The following RPS3 variants were observed in gnomAD, a reference collection of about 807,000 sequenced individuals.
RPS3 encodes ribosomal protein S3.
In RPS3, 2 loss-of-function variants were observed where a neutral mutation model predicts 25.8. The ratio of observed to expected loss-of-function variants is 0.08; its 90% CI spans 0.03 to 0.24. RPS3 has a LOEUF of 0.24. RPS3 is among the 10% of genes least tolerant of loss of function. RPS3 has a pLI of 1.00. For synonymous variants in RPS3, 114 were observed against 114.2 expected, an observed-to-expected ratio of 1.00 and a Z score of 0.01; for missense variants, 107 against 307.1, an observed-to-expected ratio of 0.35 and a Z score of 4.87.
intron 2 of RPS3, among the ~76,000 whole-genome samples, chr11:75,401,112 G>C (rs1030943731): frequency 6.6e-6 from 1 of 152,158 alleles, no homozygotes; most frequent in African/African-American, 2.4e-5. Flanking sequence ...TGGATCTCCT[G>C]ACCTCGTGAT....
rs1476610212 is a variant in RPS3, at chr11:75,406,455, C to G, written c.*845C>G. The G allele has an allele frequency of 6.6e-6, 1 of 152,222 alleles. No homozygotes were observed. 9.4% of individuals were successfully genotyped at this position (152,222 alleles called of 1,614,324 possible). On this transcript the variant is annotated 3_prime_UTR_variant, in exon 7 of 7. Coordinates refer to ENST00000531188, the MANE Select transcript of RPS3 (RefSeq NM_001005.5). ...GCTGCTTCCTGGTGATGCAGCCTGG[C>G]TGATGAGATAACCCTGGCTCCACAG...
At chr11:75,417,010 T>C (rs1051166234) in intron 6 of RPS3, among the ~76,000 whole-genome samples, 5 of 152,236 alleles carry the variant, frequency 3.3e-5, no homozygotes, top group African/African-American at 1.2e-4. Flanking sequence ...ATTTATAGCG[T>C]AAGCATGACC....
chr11:75,416,084 G>A (rs973620565), intron 6 of RPS3, among the ~76,000 whole-genome samples: 2 of 151,924 alleles, frequency 1.3e-5, no homozygotes, highest in African/African-American at 2.4e-5. Flanking sequence ...ATTCAAGCCC[G>A]ACAGTTTGGA....
In RPS3 at chr11:75,399,533, G is replaced by C. The variant is rs1948170455; in HGVS notation, c.-15G>C. ...CGAGCCACTTCCTTTCCTTTCAGCGGAGCGCGGCGGCAAGATGGCAGTGCA... is the reference window on the plus strand; with the variant it reads ...CGAGCCACTTCCTTTCCTTTCAGCGCAGCGCGGCGGCAAGATGGCAGTGCA... On this transcript the variant is annotated 5_prime_UTR_variant, in exon 1 of 7. Coordinates refer to ENST00000531188, the MANE Select transcript of RPS3 (RefSeq NM_001005.5). 1 of 1,613,864 alleles carries C rather than the reference G, an allele frequency of 6.2e-7. No homozygotes were observed. Among genetic ancestry groups the C allele is most frequent in the Non-Finnish European group, 8.5e-7 (1 of 1,179,920 alleles).
intron 6 of RPS3, among the ~76,000 whole-genome samples, chr11:75,417,551 C>T (rs554687378): frequency 3.3e-5 from 5 of 152,294 alleles, no homozygotes; most frequent in South Asian, 2.1e-4. Context: ...GAGCCGAGAT[C>T]GCGCCACTGC....
intron 6 of RPS3, among the ~76,000 whole-genome samples, chr11:75,421,010 T>C (rs1948439040): frequency 6.6e-6 from 1 of 152,166 alleles, no homozygotes; most frequent in Admixed American, 6.5e-5. Context: ...GAGCGTGCCC[T>C]GGATCTGCCC....
intron 3 of RPS3, chr11:75,402,022 C>G: frequency 3.7e-6 from 2 of 547,104 alleles, no homozygotes; most frequent in Non-Finnish European, 6.5e-6. Flanking sequence ...GGCAAGGAAC[C>G]TGCATTGTGT....
intron 6 of RPS3, chr11:75,405,165 C>T (rs1385812503): frequency 4.6e-6 from 1 of 218,862 alleles, no homozygotes. Flanking sequence ...CAACCTCTGC[C>T]TCCCATGTTC....
chr11:75,402,202 ACAAT>A (rs1948220026), intron 3 of RPS3, 146 bp from the exon 4 acceptor site: 3 of 1,147,740 alleles, frequency 2.6e-6, no homozygotes, highest in South Asian at 1.4e-5. Flanking sequence ...GTGTTGGGCC[ACAAT>A]CAAAGCCATC....
downstream of RPS3, among the ~76,000 whole-genome samples, chr11:75,408,176 T>C (rs1364158753): frequency 6.6e-6 from 1 of 152,222 alleles, no homozygotes; most frequent in East Asian, 1.9e-4. Flanking sequence ...TATTGAATTA[T>C]CAAAGTGAAC....
chr11:75,399,655 C>G, intron 1 of RPS3, 78 bp downstream of exon 1: 1 of 1,301,486 alleles, frequency 7.7e-7, no homozygotes, highest in Non-Finnish European at 1.1e-6. Flanking sequence ...ACCGCGAGGC[C>G]TGCAGCTCCG....
chr11:75,418,527 T>G (rs1043758229), intron 6 of RPS3, among the ~76,000 whole-genome samples: 2 of 152,130 alleles, frequency 1.3e-5, no homozygotes, highest in African/African-American at 4.8e-5. Flanking sequence ...AAGTACAGGA[T>G]GAAGTGAATT....
intron 6 of RPS3, among the ~76,000 whole-genome samples, chr11:75,414,392 AC>A (rs1948380429): frequency 1.3e-5 from 2 of 152,322 alleles, no homozygotes; most frequent in South Asian, 4.1e-4. Flanking sequence ...CAGGCGGATC[AC>A]GAGGTCAGGA....
chr11:75,414,389 A>G (rs574113265), intron 6 of RPS3, among the ~76,000 whole-genome samples: 44 of 152,332 alleles, frequency 2.9e-4, no homozygotes, highest in African/African-American at 9.4e-4. Flanking sequence ...AGGCAGGCGG[A>G]TCACGAGGTC....
intron 1 of RPS3, 28 bp downstream of exon 1, chr11:75,399,605 A>G: frequency 6.2e-7 from 1 of 1,608,400 alleles, no homozygotes; most frequent in East Asian, 2.2e-5. Flanking sequence ...GGGTTCGGAG[A>G]ACGACGGCGC....
exon 7 of RPS3, chr11:75,421,919 T>TAAC (rs1475744352): frequency 2.6e-5 from 4 of 152,254 alleles, no homozygotes; most frequent in African/African-American, 9.6e-5. Flanking sequence ...TTTTATTCTT[T>TAAC]AACTGTTAAT....
chr11:75,405,710 C>G lies in RPS3; in HGVS notation c.*100C>G. The stretch of plus-strand genomic sequence containing the variant: ...AGACACAAGGTCTGACTAGACTGTT[C>G]AGTATTCAGACTGAGGGGCATGTTG... On this transcript the variant is annotated 3_prime_UTR_variant, in exon 7 of 7. Coordinates refer to ENST00000531188, the MANE Select transcript of RPS3 (RefSeq NM_001005.5). 3 of 453,122 alleles carry G rather than the reference C, an allele frequency of 6.6e-6. No individual in the cohort carries two copies. The highest frequency in any genetic ancestry group is 1.3e-5 in the Non-Finnish European group (3 of 225,984). The allele number at this position is 453,122 out of a possible 1,614,324, so 28.1% of individuals were successfully genotyped here. A position where few individuals can be genotyped will look rare whatever the true frequency, so the allele number is the denominator to read the frequency against.
At chr11:75,415,748 G>A (rs559376759) in intron 6 of RPS3, among the ~76,000 whole-genome samples, 1 of 150,868 alleles carries the variant, frequency 6.6e-6, no homozygotes, top group African/African-American at 2.4e-5. Flanking sequence ...AGAGGTTGCG[G>A]TGAGCCGATA....
chr11:75,402,769 G>A (rs533160842), intron 4 of RPS3: 139 of 184,806 alleles, frequency 7.5e-4, no homozygotes, highest in African/African-American at 3.1e-3. Context: ...GCCCTGTTGC[G>A]GGGGGCGGGG....
Sources: allele counts gnomAD v4.1 joint callset (sites outside exome capture counted in the v4.1 genomes callset), GRCh38; gene constraint gnomAD v4.1.1; transcripts MANE v1.5; gene names NCBI Gene and HGNC (gene_info 2026-07-23, HGNC 2026-07-21).